TCF3: variants seen among roughly 807,000 people sequenced by gnomAD.
The protein encoded by TCF3 is transcription factor 3.
A neutral mutation model predicts 72.3 loss-of-function variants in TCF3; 54 were observed. The ratio of observed to expected loss-of-function variants is 0.75; its 90% CI spans 0.60 to 0.94. TCF3 has a LOEUF of 0.94. TCF3 is among the 40% of genes least tolerant of loss of function. The probability of loss-of-function intolerance (pLI) is 0.00; values close to 1 mark genes in which losing one functional copy is unlikely to be tolerated. For missense variants in TCF3, 1,078 were observed against 934.4 expected (o/e 1.15, Z -2.00); for synonymous variants, 525 against 412.6 (o/e 1.27, Z -3.30).
Position 1,646,431 on chromosome 19 carries a change from C to T in TCF3, c.73-4G>A, listed in dbSNP as rs371871405. On this transcript the variant is annotated splice_region_variant and splice_polypyrimidine_tract_variant and intron_variant, in intron 2 of 18. Transcript: ENST00000262965. The stretch of plus-strand genomic sequence containing the variant: ...TGGTGACAGGCAGCGGGAACATCTG[C>T]AGGGAGGGGAGGGGAGACGTGAGCG... 6 of 1,549,950 alleles carry T rather than the reference C, an allele frequency of 3.9e-6. No homozygotes were observed. In the African/African-American group the frequency reaches 6.8e-5, roughly 18 times the overall value.
chr19:1,652,571 A>G lies in TCF3; in HGVS notation c.-311T>C, dbSNP rs1010728864. 7.0e-6 allele frequency: 1 copy of G among 143,754 alleles called. No homozygotes were observed. Among genetic ancestry groups the G allele is most frequent in the Non-Finnish European group, 1.5e-5 (1 of 65,204 alleles). 8.9% of individuals were successfully genotyped at this position (143,754 alleles called of 1,614,324 possible). A position where few individuals can be genotyped will look rare whatever the true frequency, so the allele number is the denominator to read the frequency against. On this transcript the variant is annotated 5_prime_UTR_variant, in exon 1 of 19. Transcript: ENST00000262965. ...GTCGGCTCCGGCCCGCTACGCCCGC[A>G]GCCGCCGCCGCTGCCTCATCTTCCT... is the stretch of plus-strand genomic sequence containing the variant.
rs1423153385 is a variant in TCF3 at position 1,614,915 on chromosome 19, G to C, written c.1822+370C>G. On this transcript the variant is annotated intron_variant, in intron 18 of 18. Transcript: ENST00000262965. The surrounding 1 kb of genome is among the most constrained non-coding windows in gnomAD (Gnocchi z 5.6). ...CCAGCTCCTGTCTCTGGGATCGGGG[G>C]ACACTGGCCTCTGTGAGCTGGGTTC... is the stretch of plus-strand genomic sequence containing the variant. 1.3e-5 allele frequency among the ~76,000 whole-genome samples: 2 copies of C among 152,174 alleles called. No individual in the cohort carries two copies. Among genetic ancestry groups the C allele is most frequent in the Non-Finnish European group, 2.9e-5 (2 of 68,018 alleles).
chr19:1,627,036 T>C (rs1382576854), intron 6 of TCF3, among the ~76,000 whole-genome samples: 1 of 150,976 alleles, frequency 6.6e-6, no homozygotes. Context: ...GGGCCTGTTG[T>C]ATGGGCTCCC....
At chr19:1,649,700 G>A (rs1042182962) in intron 2 of TCF3, among the ~76,000 whole-genome samples, 3 of 152,204 alleles carry the variant, frequency 2.0e-5, no homozygotes, top group African/African-American at 7.2e-5. Context: ...TGGAATGACA[G>A]GTGGGAACCA....
intron 5 of TCF3, among the ~76,000 whole-genome samples, chr19:1,629,945 GCAGT>G (rs1273781869): frequency 6.6e-6 from 1 of 152,154 alleles, no homozygotes; most frequent in Non-Finnish European, 1.5e-5. Flanking sequence ...CCCGGCCACA[GCAGT>G]CACTCGCCCG....
intron 5 of TCF3, among the ~76,000 whole-genome samples, chr19:1,630,456 C>G (rs1401663706): frequency 6.6e-6 from 1 of 152,218 alleles, no homozygotes; most frequent in Non-Finnish European, 1.5e-5. Flanking sequence ...GGGGCCCAAA[C>G]AGGCGCTGCC....
Position 1,627,342 on chromosome 19 carries a change from C to G in TCF3, c.366+17G>C. The G allele has an allele frequency of 6.2e-7, 1 of 1,601,158 alleles. No homozygotes were observed. Among genetic ancestry groups the G allele is most frequent in the Non-Finnish European group, 8.5e-7 (1 of 1,174,366 alleles). The stretch of plus-strand genomic sequence containing the variant: ...TTTAAAATCAAAATACACCCCAGCC[C>G]GGCCCGAGCCCCTCACCTGAGTCAG... On this transcript the variant is annotated intron_variant, in intron 6 of 18. Transcript: ENST00000262965.
chr19:1,635,376 G>A (rs2064253382), intron 3 of TCF3, among the ~76,000 whole-genome samples: 1 of 152,128 alleles, frequency 6.6e-6, no homozygotes, highest in South Asian at 2.1e-4. Context: ...GCCTTTAGAA[G>A]CAAAACTTGG....
intron 3 of TCF3, among the ~76,000 whole-genome samples, chr19:1,635,906 G>A (rs2145114759): frequency 6.6e-6 from 1 of 152,288 alleles, no homozygotes; most frequent in East Asian, 1.9e-4. Context: ...TCGGGAGTAG[G>A]AGCGGGCCAC....
At chr19:1,632,557 C>T (rs1045034831) in intron 3 of TCF3, 152 bp from the exon 4 acceptor site, 1 of 695,800 alleles carries the variant, frequency 1.4e-6, no homozygotes, top group Non-Finnish European at 2.4e-6. Context: ...CTCATGAGGA[C>T]ACCAGTCAGC....
chr19:1,645,985 C>T (rs2066029677), intron 3 of TCF3, among the ~76,000 whole-genome samples: 1 of 152,156 alleles, frequency 6.6e-6, no homozygotes, highest in Non-Finnish European at 1.5e-5. Context: ...ACCACGCCCT[C>T]TCCAGAGCCT....
intron 6 of TCF3, among the ~76,000 whole-genome samples, chr19:1,626,695 G>T (rs1255573270): frequency 6.6e-6 from 1 of 152,210 alleles, no homozygotes; most frequent in South Asian, 2.1e-4. Context: ...CGTAGGCCGC[G>T]GCCCCTCGTT....
intron 3 of TCF3, among the ~76,000 whole-genome samples, chr19:1,633,775 G>GCCATCTGCACCCCAAGATCCTGGT (rs2064029200): frequency 6.6e-6 from 1 of 152,188 alleles, no homozygotes; most frequent in Non-Finnish European, 1.5e-5. Flanking sequence ...CCAGGTCTGG[G>GCCATCTGCACCCCAAGATCCTGGT]CCATCTGCAC....
intron 2 of TCF3, among the ~76,000 whole-genome samples, chr19:1,648,014 G>T (rs572798777): frequency 6.6e-6 from 1 of 152,238 alleles, no homozygotes; most frequent in African/African-American, 2.4e-5. Flanking sequence ...CCTGACTCAG[G>T]CCCAGGGACT....
rs138120514 is a variant in TCF3 at position 1,636,926 on chromosome 19, G to T, written c.146-4521C>A. ...AGACAAACCTGAGGCTGAAGAGAAT[G>T]TGAGTGGAGACCACACACCACCCTA... On this transcript the variant is annotated intron_variant, in intron 3 of 18. Coordinates refer to ENST00000262965, the MANE Select transcript of TCF3 (RefSeq NM_003200.5). Among the ~76,000 whole-genome samples the T allele has an allele frequency of 4.9e-3, 741 of 152,308 alleles. 3 individuals are homozygous for T. Among genetic ancestry groups the T allele is most frequent in the African/African-American group, 0.017 (695 of 41,560 alleles).
chr19:1,615,527 G>A lies in TCF3; in HGVS notation c.1587-7C>T. On this transcript the variant is annotated splice_region_variant and splice_polypyrimidine_tract_variant and intron_variant, in intron 17 of 18. Coordinates refer to ENST00000262965, the MANE Select transcript of TCF3 (RefSeq NM_003200.5). This position sits in a 1 kb window ranked among gnomAD's most constrained non-coding sequence, Gnocchi z 7.3. ...GTCCTCGTCCTCGTCTGGGCTATGG[G>A]GAGGGCGCCGGGAGGGGGCCAGAGG... 1 of 1,606,444 alleles carries A rather than the reference G, an allele frequency of 6.2e-7. No individual in the cohort carries two copies. Among genetic ancestry groups the A allele is most frequent in the Non-Finnish European group, 8.5e-7 (1 of 1,179,804 alleles).
Position 1,646,402 on chromosome 19 carries a change from C to T in TCF3, c.98G>A (p.Gly33Glu), listed in dbSNP as rs1356707949. 7.1e-6 allele frequency: 11 copies of T among 1,550,166 alleles called. No individual in the cohort carries two copies. In the Admixed American group the frequency reaches 1.6e-4, roughly 22 times the overall value. Residue 33 changes from glycine (G) to glutamate (E), a missense_variant, in exon 3 of 19, where the codon GGG becomes GAG. Physicochemically the swap from Gly to Glu is moderately conservative, Grantham distance 98 (BLOSUM62 -2). Transcript: ENST00000262965. ...GGCCAGGGAGGCGGGCCGGCCCTTC[C>T]CGTTGGTGACAGGCAGCGGGAACAT... ...SMMFPLPVTNGKGRPASLAGA... is the reference protein window; with the variant it reads ...SMMFPLPVTNEKGRPASLAGA...
chr19:1,636,020 C>T (rs1486236458), intron 3 of TCF3, among the ~76,000 whole-genome samples: 5 of 152,228 alleles, frequency 3.3e-5, no homozygotes, highest in Admixed American at 1.3e-4. Context: ...CCTGTCCCAC[C>T]GCCCTGCCTG....
At chr19:1,627,486 C>A (rs922080930) in intron 5 of TCF3, 60 bp from the exon 6 acceptor site, 9 of 1,506,666 alleles carry the variant, frequency 6.0e-6, no homozygotes, top group Middle Eastern at 1.8e-4. Flanking sequence ...TGAGGGCCCC[C>A]GAGTGCCTGC....
Sources: gnomAD v4.1 joint callset for allele counts (sites outside exome capture counted in the v4.1 genomes callset) on GRCh38, gnomAD v4.1.1 for gene constraint, Gnocchi (gnomAD v3.1) non-coding constraint, MANE v1.5 for transcripts, NCBI Gene and HGNC (gene_info 2026-07-23, HGNC 2026-07-21) for gene names.